Variants in FBXW8 observed in about 807,000 individuals in gnomAD.
FBXW8 encodes the protein F-box/WD repeat-containing protein 8.
Under a neutral mutation model 65.3 loss-of-function variants are expected in FBXW8, and 57 were observed. The ratio of observed to expected loss-of-function variants is 0.87; its 90% confidence interval spans 0.71 to 1.09. The LOEUF is 1.09. Ranked by LOEUF, FBXW8 falls within the 50% of genes least tolerant of loss-of-function variation. The probability of loss-of-function intolerance (pLI) is 0.00; values close to 1 mark genes in which losing one functional copy is unlikely to be tolerated. For synonymous variants in FBXW8, 308 were observed against 330.2 expected (o/e 0.93, Z 0.73); for missense variants, 777 against 814.8 (o/e 0.95, Z 0.57).
chr12:116,927,341 A>C (rs145344843), intron 1 of FBXW8, among the ~76,000 whole-genome samples: 153 of 152,304 alleles, frequency 1.0e-3, no homozygotes, highest in African/African-American at 3.6e-3. Context: ...AATGACACCG[A>C]AGAAGAACTG....
intron 2 of FBXW8, among the ~76,000 whole-genome samples, chr12:116,944,586 C>T (rs184739449): frequency 1.6e-4 from 24 of 152,320 alleles, no homozygotes; most frequent in Admixed American, 8.5e-4. Flanking sequence ...ACCGGGATCA[C>T]GCTGATCTGC....
At chr12:116,969,573 T>G (rs1475789819) in intron 5 of FBXW8, among the ~76,000 whole-genome samples, 2 of 152,208 alleles carry the variant, frequency 1.3e-5, no homozygotes, top group Non-Finnish European at 2.9e-5. Context: ...GAATTTTACC[T>G]TGTGGGTTCT....
intron 1 of FBXW8, among the ~76,000 whole-genome samples, chr12:116,915,046 T>TC (rs1468136022): frequency 6.6e-6 from 1 of 152,232 alleles, no homozygotes; most frequent in Non-Finnish European, 1.5e-5. Flanking sequence ...TTTCAACTAA[T>TC]CTGTAGATGA....
chr12:116,963,904 C>T (rs1884147382), intron 4 of FBXW8, among the ~76,000 whole-genome samples: 1 of 152,200 alleles, frequency 6.6e-6, no homozygotes, highest in African/African-American at 2.4e-5. Context: ...AAACCCTCTG[C>T]AGCAGACATA....
rs748649049 is a variant in FBXW8 at position 116,988,817 on chromosome 12, A to T, written c.1187A>T (p.Asn396Ile). 1 of 1,614,184 alleles carries T rather than the reference A, an allele frequency of 6.2e-7. No individual in the cohort carries two copies. Among genetic ancestry groups the T allele is most frequent in the South Asian group, 1.1e-5 (1 of 91,074 alleles). ...GTCACATGTCTAGACGTCTCGGCCA[A>T]CCAAGTTGCTTTTGGTGTACAGGGT... ...PPVTCLDVSA[N>I]QVAFGVQGLG... The change falls in exon 7 of 11, where the codon AAC becomes ATC. Residue 396 changes from asparagine (N) to isoleucine (I), a missense_variant. Physicochemically the swap from Asn to Ile is moderately radical, Grantham distance 149. Coordinates refer to ENST00000652555, the MANE Select transcript of FBXW8 (RefSeq NM_153348.3).
At chr12:116,925,737 G>T (rs1401277203) in intron 1 of FBXW8, among the ~76,000 whole-genome samples, 1 of 152,180 alleles carries the variant, frequency 6.6e-6, no homozygotes, top group Non-Finnish European at 1.5e-5. Flanking sequence ...ACTTGTAAAT[G>T]ATCAAGAACC....
chr12:116,955,244 A>G (rs536224606), intron 4 of FBXW8, among the ~76,000 whole-genome samples: 2 of 152,318 alleles, frequency 1.3e-5, no homozygotes, highest in African/African-American at 2.4e-5. Flanking sequence ...CTTAGCAAGG[A>G]TATGCAGCAG....
chr12:116,983,810 A>G (rs1885476636), intron 5 of FBXW8, among the ~76,000 whole-genome samples: 1 of 152,226 alleles, frequency 6.6e-6, no homozygotes, highest in African/African-American at 2.4e-5. Flanking sequence ...AATAAAAGAC[A>G]GAAAGGAATG....
Position 116,936,812 on chromosome 12 carries a change from C to A in FBXW8, c.424-8552C>A, listed in dbSNP as rs539688584. 1.3e-5 allele frequency among the ~76,000 whole-genome samples: 2 copies of A among 152,204 alleles called. No individual in the cohort carries two copies. Among genetic ancestry groups the A allele is most frequent in the Admixed American group, 1.3e-4 (2 of 15,284 alleles). ...GCAGAAGGATAAGAGGAGGAGAGGA[C>A]TCAGGATGTGATAAGCGTTTAATCC... On this transcript the variant is annotated intron_variant, in intron 2 of 10. Coordinates refer to ENST00000652555, the MANE Select transcript of FBXW8 (RefSeq NM_153348.3). The surrounding 1 kb of genome is among the most constrained non-coding windows in gnomAD (Gnocchi z 4.6).
At chr12:116,927,252 A>G (rs975721247) in intron 1 of FBXW8, among the ~76,000 whole-genome samples, 3 of 152,128 alleles carry the variant, frequency 2.0e-5, no homozygotes, top group Non-Finnish European at 4.4e-5. Flanking sequence ...TGACAGCCTT[A>G]TCTCTCAAAT....
chr12:116,967,570 T>C (rs1884402344), intron 5 of FBXW8, among the ~76,000 whole-genome samples: 3 of 152,382 alleles, frequency 2.0e-5, no homozygotes, highest in South Asian at 4.1e-4. Flanking sequence ...TTATTGTCTT[T>C]GTTTGCCTTT....
At chr12:116,928,643 A>G (rs1042195418) in intron 2 of FBXW8, among the ~76,000 whole-genome samples, 1 of 152,172 alleles carries the variant, frequency 6.6e-6, no homozygotes. Context: ...CCACCAAGGG[A>G]ATTACAGATC....
intron 7 of FBXW8, among the ~76,000 whole-genome samples, chr12:116,990,349 G>T (rs1446834649): frequency 6.6e-6 from 1 of 152,182 alleles, no homozygotes; most frequent in Non-Finnish European, 1.5e-5. Flanking sequence ...GATGTGTCAT[G>T]ATATTACTCC....
At chr12:116,981,051 C>T (rs144049458) in intron 5 of FBXW8, among the ~76,000 whole-genome samples, 66 of 152,228 alleles carry the variant, frequency 4.3e-4, no homozygotes, top group African/African-American at 1.5e-3. Flanking sequence ...TCTGTAACTA[C>T]CTGTTGAATG....
chr12:116,912,171 G>GTTTTTT (rs57142470), intron 1 of FBXW8, among the ~76,000 whole-genome samples: 1 of 131,018 alleles, frequency 7.6e-6, no homozygotes, highest in African/African-American at 2.7e-5. Flanking sequence ...TTTTTTTCCT[G>GTTTTTT]TTTTTTTTTT....
chr12:116,966,893 AT>A (rs1453633677), intron 5 of FBXW8, among the ~76,000 whole-genome samples: 1 of 151,958 alleles, frequency 6.6e-6, no homozygotes, highest in Non-Finnish European at 1.5e-5. Flanking sequence ...TAATTTTTGT[AT>A]TTTTACTAGA....
chr12:116,964,605 C>G, intron 4 of FBXW8, 92 bp from the exon 5 acceptor site: 2 of 1,482,848 alleles, frequency 1.3e-6, no homozygotes, highest in Non-Finnish European at 1.9e-6. Context: ...CCGATTCTTA[C>G]TTGTCTGTTG....
At chr12:116,930,637 C>T (rs2137314177) in intron 2 of FBXW8, among the ~76,000 whole-genome samples, 1 of 152,184 alleles carries the variant, frequency 6.6e-6, no homozygotes, top group Non-Finnish European at 1.5e-5. Flanking sequence ...TGTACAAAAG[C>T]TTTTTAGTTT....
At chr12:116,976,621 A>ATTTTTT (rs58135251) in intron 5 of FBXW8, among the ~76,000 whole-genome samples, 1 of 137,958 alleles carries the variant, frequency 7.2e-6, no homozygotes, top group Non-Finnish European at 1.6e-5. Flanking sequence ...ACACCGGCTA[A>ATTTTTT]TTTTTTTTTT....
Sources: allele counts gnomAD v4.1 joint callset (sites outside exome capture counted in the v4.1 genomes callset), GRCh38; gene constraint gnomAD v4.1.1; non-coding constraint Gnocchi (gnomAD v3.1); transcripts MANE v1.5; gene names NCBI Gene and HGNC (gene_info 2026-07-23, HGNC 2026-07-21).